Variants in FAT4 observed in about 807,000 individuals in gnomAD.
FAT4 encodes the protein protocadherin Fat 4.
FAT4 carries 84 observed loss-of-function variants against 303.9 expected under a neutral mutation model. The observed-to-expected ratio is 0.28, with a 90% CI of 0.23 to 0.33. The LOEUF is 0.33. Among genes scored for constraint, FAT4 ranks in the 10% least tolerant of loss-of-function variants. The pLI is 1.00. For missense variants in FAT4, 6,005 were observed against 6,146.8 expected, an observed-to-expected ratio of 0.98 and a Z score of 0.77; for synonymous variants, 2,307 against 2,298.8, an observed-to-expected ratio of 1.00 and a Z score of -0.10.
chr4:125,353,521 A>T (rs969414100), intron 2 of FAT4, among the ~76,000 whole-genome samples: 1 of 151,612 alleles, frequency 6.6e-6, no homozygotes, highest in African/African-American at 2.4e-5. Flanking sequence ...ATTCTTTGTC[A>T]ATCTTTTAGT....
At chr4:125,399,021 A>G (rs1734286742) in intron 3 of FAT4, 106 bp downstream of exon 3, 1 of 969,276 alleles carries the variant, frequency 1.0e-6, no homozygotes, top group East Asian at 2.5e-5. Context: ...AAGGTTAAGC[A>G]TGTGTGCTCC....
At position 125,315,621 on chromosome 4, in the gene FAT4, G is replaced by T. The variant is rs914983111; in HGVS notation, c.-369G>T. 1.3e-5 allele frequency among the ~76,000 whole-genome samples: 2 copies of T among 152,220 alleles called. No individual in the cohort carries two copies. The highest frequency in any genetic ancestry group is 2.9e-5 in the Non-Finnish European group (2 of 68,042). ...TGCCGAGGAGCCCTGGCTGTTGTTT[G>T]TGCCGGACCACGGGCTTGAAGCCGC... On this transcript the variant is annotated 5_prime_UTR_variant, in exon 1 of 18. Coordinates refer to ENST00000394329, the MANE Select transcript of FAT4 (RefSeq NM_001291303.3).
chr4:125,390,453 T>C (rs979895581), intron 2 of FAT4, among the ~76,000 whole-genome samples: 2 of 152,156 alleles, frequency 1.3e-5, no homozygotes, highest in African/African-American at 4.8e-5. Flanking sequence ...GGTGTGGGTT[T>C]CAATTTGGTT....
chr4:125,327,247 G>A (rs1410702549), intron 2 of FAT4, among the ~76,000 whole-genome samples: 3 of 152,098 alleles, frequency 2.0e-5, no homozygotes, highest in African/African-American at 4.8e-5. Context: ...GAGAGCAAAG[G>A]TAGATGAGGG....
intron 12 of FAT4, among the ~76,000 whole-genome samples, chr4:125,471,916 A>AAG (rs1726874941): frequency 6.9e-6 from 1 of 144,826 alleles, no homozygotes; most frequent in East Asian, 2.0e-4. Context: ...AAAAAAAAAA[A>AAG]AAAAAAAAAA....
chr4:125,447,752 T>C (rs1162328121), intron 9 of FAT4, among the ~76,000 whole-genome samples: 1 of 152,136 alleles, frequency 6.6e-6, no homozygotes, highest in Non-Finnish European at 1.5e-5. Context: ...CGACAATCTG[T>C]TTCATTGGCA....
At position 125,449,824 on chromosome 4, in the gene FAT4, A is replaced by G. The variant is rs1448463619; in HGVS notation, c.8814A>G (p.Gln2938=). ...EIFNKQILKY[Q]NVTGFSNVNI... ...TCAATAAACAGATCTTAAAATACCA[A>G]AATGTCACTGGCTTCAGTAATGTGA... Residue 2938 remains glutamine (Q), a synonymous_variant, in exon 10 of 18, where the codon CAA becomes CAG. Transcript: ENST00000394329. 2 of 1,613,920 alleles carry G rather than the reference A, an allele frequency of 1.2e-6. No homozygotes were observed. Among genetic ancestry groups the G allele is most frequent in the East Asian group, 2.2e-5 (1 of 44,854 alleles).
Position 125,321,474 on chromosome 4 carries a change from G to A in FAT4, c.5063G>A (p.Gly1688Asp). 1.2e-6 allele frequency: 2 copies of A among 1,614,104 alleles called. No homozygotes were observed. The highest frequency in any genetic ancestry group is 1.7e-6 in the Non-Finnish European group (2 of 1,179,996). Residue 1688 changes from glycine (G) to aspartate (D), a missense_variant, in exon 2 of 18, where the codon GGT becomes GAT. By Grantham distance (94) the Gly-to-Asp change is moderately conservative (BLOSUM62 -1). Transcript: ENST00000394329. The part of the protein sequence containing the change: ...GRLFTIGRHT[G>D]IIQTAAILDR... ...CTCTTTACTATTGGACGACATACTGGTATAATTCAGACCGCAGCCATTCTG... is the reference window on the plus strand; with the variant it reads ...CTCTTTACTATTGGACGACATACTGATATAATTCAGACCGCAGCCATTCTG...
At chr4:125,347,959 T>A (rs28688418) in intron 2 of FAT4, among the ~76,000 whole-genome samples, 76,135 of 151,346 alleles carry the variant, frequency 0.5, 19,178 homozygotes, top group Admixed American at 0.57. Context: ...CATCTATTAT[T>A]TGGGATGTCT....
chr4:125,484,524 C>T (rs1287490619), intron 16 of FAT4, among the ~76,000 whole-genome samples: 1 of 152,054 alleles, frequency 6.6e-6, no homozygotes, highest in African/African-American at 2.4e-5. Context: ...GAATTCAAAG[C>T]TCTATAGATT....
At chr4:125,436,368 G>A (rs570232208) in intron 8 of FAT4, among the ~76,000 whole-genome samples, 1 of 152,212 alleles carries the variant, frequency 6.6e-6, no homozygotes, top group African/African-American at 2.4e-5. Flanking sequence ...TTTGAATACA[G>A]TTTCAAATGA....
At chr4:125,337,650 C>T (rs897947933) in intron 2 of FAT4, among the ~76,000 whole-genome samples, 1 of 151,930 alleles carries the variant, frequency 6.6e-6, no homozygotes, top group Non-Finnish European at 1.5e-5. Flanking sequence ...TGTTAAAACA[C>T]TTATGTAAAC....
intron 10 of FAT4, 24 bp from the exon 11 acceptor site, chr4:125,463,539 A>C: frequency 6.9e-7 from 1 of 1,456,758 alleles, no homozygotes; most frequent in African/African-American, 1.4e-5. Flanking sequence ...AGATTTAAAA[A>C]AAACTGAATT....
At position 125,321,003 on chromosome 4, in the gene FAT4, C is replaced by A; in HGVS notation, c.4592C>A (p.Ser1531Ter). The change falls in exon 2 of 18, where the codon TCA becomes TAA. Residue 1531 changes from serine to a stop codon, truncating the protein, a stop_gained. Coordinates refer to ENST00000394329, the MANE Select transcript of FAT4 (RefSeq NM_001291303.3). LOFTEE classifies it high-confidence loss of function. The part of the protein sequence containing the change: ...DLNDNVPMFI[S>*]QNALAADPSA... ...AATGACAATGTCCCAATGTTTATAT[C>A]ACAAAACGCCCTTGCTGCAGACCCA... 1 of 1,614,176 alleles carries A rather than the reference C, an allele frequency of 6.2e-7. No homozygotes were observed. Among genetic ancestry groups the A allele is most frequent in the African/African-American group, 1.3e-5 (1 of 75,048 alleles).
intron 2 of FAT4, among the ~76,000 whole-genome samples, chr4:125,389,942 A>G (rs1307695490): frequency 1.3e-5 from 2 of 152,166 alleles, no homozygotes; most frequent in African/African-American, 4.8e-5. Flanking sequence ...GTCACTTGCA[A>G]ACCATAATAG....
rs1312288669 is a variant in FAT4 at position 125,395,900 on chromosome 4, G to A, written c.5176-2884G>A. Among the ~76,000 whole-genome samples, 4 of 152,098 alleles carry A rather than the reference G, an allele frequency of 2.6e-5. No individual in the cohort carries two copies. The East Asian group carries it at 7.7e-4, about 29-fold the overall frequency. ...TTTGAAATGACCAAAATCTCACAGA[G>A]CATACGGGATCACAGACTTCTAGAG... On this transcript the variant is annotated intron_variant, in intron 2 of 17. Transcript: ENST00000394329.
rs142291617 is a variant in FAT4 at position 125,452,541 on chromosome 4, C to T, written c.11531C>T (p.Pro3844Leu). 6.8e-6 allele frequency: 11 copies of T among 1,614,162 alleles called. No homozygotes were observed. In the African/African-American group the frequency reaches 9.3e-5, roughly 14 times the overall value. Residue 3844 changes from proline (P) to leucine (L), a missense_variant, in exon 10 of 18, where the codon CCT becomes CTT. Physicochemically the swap from Pro to Leu is moderately conservative, Grantham distance 98. Coordinates refer to ENST00000394329, the MANE Select transcript of FAT4 (RefSeq NM_001291303.3). ...SLPVIIVANE[P>L]LQPFLCKCLP... is the part of the protein sequence containing the mutation. ...CCAGTCATCATCGTGGCAAATGAAC[C>T]TCTGCAGCCTTTCTTATGCAAGTGT... is the stretch of plus-strand genomic sequence containing the variant.
chr4:125,368,471 T>C (rs1354801304), intron 2 of FAT4, among the ~76,000 whole-genome samples: 1 of 148,864 alleles, frequency 6.7e-6, no homozygotes, highest in Non-Finnish European at 1.5e-5. Context: ...AAGTCTGTGA[T>C]ATTTCTCTAG....
At chr4:125,399,870 CTT>C (rs965967647) in intron 3 of FAT4, among the ~76,000 whole-genome samples, 1 of 151,888 alleles carries the variant, frequency 6.6e-6, no homozygotes, top group Non-Finnish European at 1.5e-5. Context: ...GAAGTTCACA[CTT>C]ATTTCAAATT....
Sources: allele counts gnomAD v4.1 joint callset (sites outside exome capture counted in the v4.1 genomes callset), GRCh38; gene constraint gnomAD v4.1.1; transcripts MANE v1.5; gene names NCBI Gene and HGNC (gene_info 2026-07-23, HGNC 2026-07-21).